Variants in PABPC4 observed in about 807,000 individuals in gnomAD.
PABPC4 encodes poly(A) binding protein cytoplasmic 4, also known as polyadenylate-binding protein 4.
PABPC4 carries 15 observed loss-of-function variants against 74.5 expected under a neutral mutation model. The observed-to-expected ratio is 0.20, with a 90% CI of 0.13 to 0.31. PABPC4 has a LOEUF of 0.31. Ranked by LOEUF, PABPC4 falls within the 10% of genes least tolerant of loss-of-function variation. The probability of loss-of-function intolerance (pLI) is 1.00; values close to 1 mark genes in which losing one functional copy is unlikely to be tolerated. For missense variants in PABPC4, 610 were observed against 853.5 expected, an observed-to-expected ratio of 0.71 and a Z score of 3.55; for synonymous variants, 345 against 303.0, an observed-to-expected ratio of 1.14 and a Z score of -1.44.
chr1:39,566,105 A>C (rs1645837268), intron 7 of PABPC4, among the ~76,000 whole-genome samples: 1 of 152,190 alleles, frequency 6.6e-6, no homozygotes, highest in South Asian at 2.1e-4. Flanking sequence ...GTTCTGAAAC[A>C]CTATGATATG....
At chr1:39,564,149 A>G in intron 10 of PABPC4, 1 of 612,878 alleles carries the variant, frequency 1.6e-6, no homozygotes, top group African/African-American at 1.8e-5. Context: ...CACCCAAAAG[A>G]ACAAGCTGCC....
intron 1 of PABPC4, among the ~76,000 whole-genome samples, chr1:39,574,302 CATTA>C (rs1180186807): frequency 1.3e-5 from 2 of 152,172 alleles, no homozygotes. Context: ...CAAACTATTT[CATTA>C]ATTAGCAGTA....
chr1:39,570,926 C>T (rs901270194), intron 3 of PABPC4, among the ~76,000 whole-genome samples: 1 of 152,248 alleles, frequency 6.6e-6, no homozygotes, highest in Non-Finnish European at 1.5e-5. Flanking sequence ...GGCCAAGACC[C>T]CGACTCAGAG....
rs756313361 is a variant in PABPC4, at chr1:39,563,593, A to C, written c.1668+21T>G. 6.9e-6 allele frequency: 11 copies of C among 1,604,164 alleles called. No individual in the cohort carries two copies. The South Asian group carries it at 1.1e-4, about 16-fold the overall frequency. Reference sequence around the variant, plus strand: ...GGAAATGGGGGAAATCCTTTTAAGCATTCTGTCTGGTGAACCTCACCTGCA... The same window carrying C: ...GGAAATGGGGGAAATCCTTTTAAGCCTTCTGTCTGGTGAACCTCACCTGCA... On this transcript the variant is annotated intron_variant, in intron 12 of 15. Transcript: ENST00000372858.
intron 15 of PABPC4, 160 bp from the exon 16 acceptor site, chr1:39,561,282 C>T (rs1645765424): frequency 2.8e-6 from 1 of 353,434 alleles, no homozygotes; most frequent in African/African-American, 2.1e-5. Context: ...GTGTACTGTA[C>T]AACATTTAGC....
chr1:39,563,749 A>G lies in PABPC4; in HGVS notation c.1541-8T>C. On this transcript the variant is annotated splice_region_variant and splice_polypyrimidine_tract_variant and intron_variant, in intron 11 of 15. Transcript: ENST00000372858. The stretch of plus-strand genomic sequence containing the variant: ...GCACAGCTGTGGGAACGCCTTAGGG[A>G]AAGAACAAATACAATTAAAGCCCAT... The G allele has an allele frequency of 6.2e-7, 1 of 1,613,914 alleles. No homozygotes were observed. Among genetic ancestry groups the G allele is most frequent in the South Asian group, 1.1e-5 (1 of 91,056 alleles).
chr1:39,565,776 C>T (rs868800283), intron 7 of PABPC4, among the ~76,000 whole-genome samples: 19 of 152,104 alleles, frequency 1.2e-4, no homozygotes, highest in Middle Eastern at 3.4e-3. Flanking sequence ...TGCAGTGAGC[C>T]GAGATCGCGC....
rs1645762256 is a variant in PABPC4 at position 39,561,083 on chromosome 1, T to C, written c.*53A>G. On this transcript the variant is annotated 3_prime_UTR_variant, in exon 16 of 16. Coordinates refer to ENST00000372858, the MANE Select transcript of PABPC4 (RefSeq NM_001135653.2). ...GGACAAGCTAGGAAGTCTTCAAACCTTGAGTTGAATTCCATAAGGGGTTAT... is the reference window on the plus strand; with the variant it reads ...GGACAAGCTAGGAAGTCTTCAAACCCTGAGTTGAATTCCATAAGGGGTTAT... The C allele has an allele frequency of 2.1e-6, 1 of 470,056 alleles. No homozygotes were observed. Among genetic ancestry groups the C allele is most frequent in the Non-Finnish European group, 4.4e-6 (1 of 226,418 alleles). 29.1% of individuals were successfully genotyped at this position (470,056 alleles called of 1,614,324 possible).
chr1:39,575,046 G>A (rs537677376), intron 1 of PABPC4, among the ~76,000 whole-genome samples: 20 of 152,288 alleles, frequency 1.3e-4, no homozygotes, highest in East Asian at 5.8e-4. Flanking sequence ...TTACAGCTGA[G>A]GTGACAAATG....
Position 39,569,709 on chromosome 1 carries a change from C to G in PABPC4, c.644-20G>C. The G allele has an allele frequency of 6.3e-7, 1 of 1,597,638 alleles. No homozygotes were observed. Among genetic ancestry groups the G allele is most frequent in the Non-Finnish European group, 8.6e-7 (1 of 1,164,906 alleles). On this transcript the variant is annotated intron_variant, in intron 4 of 15. Coordinates refer to ENST00000372858, the MANE Select transcript of PABPC4 (RefSeq NM_001135653.2). ...TCTTACCTATTACCAAAGGACAGAA[C>G]TATTAGTAACACCATCTTGAGCACA...
rs780473890 is a variant in PABPC4 at position 39,572,547 on chromosome 1, T to C, written c.233A>G (p.Lys78Arg). ...ALDTMNFDVI[K>R]GKPIRIMWSQ... is the part of the protein sequence containing the mutation. ...CCACATGATGCGGATTGGCTTTCCC[T>C]TAATCACATCAAAGTTCATGGTGTC... The change falls in exon 2 of 16, where the codon AAG (lysine) becomes AGG (arginine). Residue 78 changes from lysine to arginine, a missense_variant. Physicochemically the swap from Lys to Arg is conservative, Grantham distance 26. Around this residue, in one of 4 missense-constraint regions of PABPC4, gnomAD observed 304 missense variants for 478.9 expected, o/e 0.63. Coordinates refer to ENST00000372858, the MANE Select transcript of PABPC4 (RefSeq NM_001135653.2). The C allele has an allele frequency of 1.9e-6, 3 of 1,614,004 alleles. No homozygotes were observed. In the African/African-American group the frequency reaches 4.0e-5, roughly 22 times the overall value.
intron 15 of PABPC4, 28 bp downstream of exon 15, chr1:39,561,657 G>A (rs1444652798): frequency 6.7e-7 from 1 of 1,493,022 alleles, no homozygotes; most frequent in Non-Finnish European, 9.3e-7. Context: ...ATGCTCATAG[G>A]AACAAAAATG....
At chr1:39,561,625 A>T in intron 15 of PABPC4, 60 bp downstream of exon 15, 1 of 1,214,726 alleles carries the variant, frequency 8.2e-7, no homozygotes, top group South Asian at 1.2e-5. Flanking sequence ...GTCAAACCAC[A>T]AAGACAATGC....
intron 3 of PABPC4, 95 bp downstream of exon 3, chr1:39,571,139 G>T: frequency 1.3e-6 from 2 of 1,594,558 alleles, no homozygotes; most frequent in South Asian, 1.1e-5. Context: ...CACTTGGGCC[G>T]AGAACCAGTA....
intron 3 of PABPC4, chr1:39,570,969 T>C (rs1187055940): frequency 7.3e-6 from 8 of 1,092,900 alleles, no homozygotes; most frequent in Non-Finnish European, 9.8e-6. Flanking sequence ...CCAGCCCCAG[T>C]TGTTGATGCT....
chr1:39,571,148 T>C, intron 3 of PABPC4, 86 bp downstream of exon 3: 2 of 1,601,454 alleles, frequency 1.2e-6, no homozygotes, highest in East Asian at 2.2e-5. Context: ...CGAGAACCAG[T>C]AGCCGCCTTG....
chr1:39,565,426 G>A (rs1280810529), intron 7 of PABPC4, 48 bp from the exon 8 acceptor site: 1 of 1,561,658 alleles, frequency 6.4e-7, no homozygotes, highest in Non-Finnish European at 8.7e-7. Flanking sequence ...CCCTGGCTGG[G>A]TGTGATGGCT....
At chr1:39,566,647 C>T (rs1195243088) in intron 7 of PABPC4, among the ~76,000 whole-genome samples, 1 of 152,210 alleles carries the variant, frequency 6.6e-6, no homozygotes, top group Non-Finnish European at 1.5e-5. Context: ...CACTCCATAA[C>T]TCTCTACCAA....
At chr1:39,569,275 T>C (rs1459345445) in intron 5 of PABPC4, among the ~76,000 whole-genome samples, 2 of 152,252 alleles carry the variant, frequency 1.3e-5, no homozygotes, top group East Asian at 3.8e-4. Flanking sequence ...GGCACAATGC[T>C]TTGCCCACAA....
Sources: allele counts gnomAD v4.1 joint callset (sites outside exome capture counted in the v4.1 genomes callset), GRCh38; gene constraint gnomAD v4.1.1; regional missense constraint gnomAD v4.1.1; transcripts MANE v1.5; gene names NCBI Gene and HGNC (gene_info 2026-07-23, HGNC 2026-07-21).